Variants in TMC1 observed in about 807,000 individuals in gnomAD.
TMC1 encodes transmembrane channel like 1, also known as transmembrane channel-like protein 1.
Under a neutral mutation model 105.8 loss-of-function variants are expected in TMC1, and 84 were observed. The observed-to-expected ratio is 0.79, with a 90% confidence interval of 0.67 to 0.95. TMC1 has a LOEUF of 0.95. TMC1 is among the 40% of genes least tolerant of loss of function. TMC1 has a pLI of 0.00. For missense variants in TMC1, 817 were observed against 914.1 expected (o/e 0.89, Z 1.37); for synonymous variants, 315 against 311.5 (o/e 1.01, Z -0.12).
At chr9:72,567,361 A>G (rs563187158) in intron 1 of TMC1, among the ~76,000 whole-genome samples, 4 of 152,294 alleles carry the variant, frequency 2.6e-5, no homozygotes, top group South Asian at 4.1e-4. Context: ...ATTTACACCC[A>G]TCTTCCCCCT....
intron 8 of TMC1, among the ~76,000 whole-genome samples, chr9:72,739,342 T>G (rs530471229): frequency 6.6e-6 from 1 of 152,324 alleles, no homozygotes; most frequent in South Asian, 2.1e-4. Context: ...GAGATTAGAT[T>G]TCAACATACA....
intron 1 of TMC1, among the ~76,000 whole-genome samples, chr9:72,538,712 T>C (rs1332170581): frequency 2.6e-5 from 4 of 152,176 alleles, no homozygotes; most frequent in Admixed American, 6.5e-5. Context: ...GTGCTGGGAT[T>C]ACTGGGATTA....
intron 3 of TMC1, among the ~76,000 whole-genome samples, chr9:72,625,840 T>C (rs1264562446): frequency 1.3e-5 from 2 of 152,194 alleles, no homozygotes; most frequent in Non-Finnish European, 2.9e-5. Context: ...AGTAGGCTGA[T>C]TTTGTTTCAT....
intron 8 of TMC1, among the ~76,000 whole-genome samples, chr9:72,728,378 A>G: frequency 6.6e-6 from 1 of 152,206 alleles, no homozygotes; most frequent in East Asian, 1.9e-4. Flanking sequence ...AATAGTCTTC[A>G]GTGATTAACT....
chr9:72,749,917 G>A (rs376429623), intron 10 of TMC1, among the ~76,000 whole-genome samples: 1 of 152,010 alleles, frequency 6.6e-6, no homozygotes, highest in Non-Finnish European at 1.5e-5. Context: ...GACTAGCCTG[G>A]CCAACATGGT....
intron 1 of TMC1, among the ~76,000 whole-genome samples, chr9:72,566,602 A>G (rs1170240599): frequency 3.3e-5 from 5 of 152,200 alleles, no homozygotes; most frequent in African/African-American, 1.2e-4. Flanking sequence ...GCGTTGTGAA[A>G]GGTGAAACAG....
chr9:72,717,690 A>T (rs1826943883), intron 8 of TMC1, among the ~76,000 whole-genome samples: 1 of 152,166 alleles, frequency 6.6e-6, no homozygotes, highest in Non-Finnish European at 1.5e-5. Context: ...TTTCCTTTAT[A>T]GGCTACCTGG....
chr9:72,728,826 C>T (rs895675855), intron 8 of TMC1, among the ~76,000 whole-genome samples: 7 of 151,796 alleles, frequency 4.6e-5, no homozygotes, highest in Non-Finnish European at 1.0e-4. Flanking sequence ...AAGTACAAAT[C>T]AGAGTTAGGA....
chr9:72,822,117 G>A (rs181487762), intron 20 of TMC1, among the ~76,000 whole-genome samples: 206 of 152,260 alleles, frequency 1.4e-3, no homozygotes, highest in African/African-American at 4.7e-3. Context: ...GGGATCTGGA[G>A]GATGAAGTTT....
chr9:72,524,641 G>T (rs751017238), intron 1 of TMC1, among the ~76,000 whole-genome samples: 52 of 152,088 alleles, frequency 3.4e-4, no homozygotes, highest in Non-Finnish European at 4.6e-4. Context: ...TGCAATGAAA[G>T]AAAACCGATA....
intron 17 of TMC1, among the ~76,000 whole-genome samples, chr9:72,800,806 G>A (rs1215768277): frequency 6.6e-6 from 1 of 152,086 alleles, no homozygotes; most frequent in East Asian, 1.9e-4. Context: ...GGGAAAAGGG[G>A]TTGTGGTTCT....
chr9:72,612,121 C>G (rs962801312), intron 2 of TMC1, among the ~76,000 whole-genome samples: 1 of 152,108 alleles, frequency 6.6e-6, no homozygotes, highest in African/African-American at 2.4e-5. Flanking sequence ...TCATCAGGAT[C>G]CTTTCCCCTT....
At chr9:72,640,743 C>T (rs1825614006) in intron 4 of TMC1, among the ~76,000 whole-genome samples, 1 of 151,996 alleles carries the variant, frequency 6.6e-6, no homozygotes, top group Non-Finnish European at 1.5e-5. Context: ...CACCATTCTC[C>T]TGCCTCACCT....
intron 8 of TMC1, among the ~76,000 whole-genome samples, chr9:72,709,506 A>G (rs944796376): frequency 1.4e-4 from 21 of 152,080 alleles, no homozygotes; most frequent in Non-Finnish European, 2.8e-4. Context: ...TTTTTAAATT[A>G]CTATTTCAAT....
At position 72,789,283 on chromosome 9, in the gene TMC1, A is replaced by G. The variant is rs1828223380; in HGVS notation, c.1190A>G (p.Asp397Gly). 1 of 1,614,052 alleles carries G rather than the reference A, an allele frequency of 6.2e-7. No homozygotes were observed. The highest frequency in any genetic ancestry group is 2.2e-5 in the East Asian group (1 of 44,876). The part of the protein sequence containing the change: ...VKRSQEFAQQ[D>G]PDTLGWWEKN... ...CGATCCCAGGAATTTGCACAGCAAG[A>G]TCCTGACACCCTTGGGTGGTGGGAA... Residue 397 changes from aspartate (D) to glycine (G), a missense_variant, in exon 15 of 24, where the codon GAT becomes GGT. By Grantham distance (94) the Asp-to-Gly change is moderately conservative (BLOSUM62 -1). Transcript: ENST00000297784.
At chr9:72,725,325 G>GTGTATATATATA (rs1346287163) in intron 8 of TMC1, among the ~76,000 whole-genome samples, 14 of 77,668 alleles carry the variant, frequency 1.8e-4, no homozygotes, top group Non-Finnish European at 2.8e-4. Flanking sequence ...ATGTGTGTAT[G>GTGTATATATATA]TATATATATA....
At chr9:72,814,326 C>G (rs150088902) in intron 18 of TMC1, among the ~76,000 whole-genome samples, 111 of 152,186 alleles carry the variant, frequency 7.3e-4, no homozygotes, top group African/African-American at 2.5e-3. Context: ...GGGCACTCCC[C>G]CAGAAGGAAA....
intron 8 of TMC1, among the ~76,000 whole-genome samples, chr9:72,733,262 G>A: frequency 6.6e-6 from 1 of 151,972 alleles, no homozygotes; most frequent in South Asian, 2.1e-4. Flanking sequence ...CAGCAGCACA[G>A]CATGGCTGGG....
chr9:72,725,326 T>TATATAC, intron 8 of TMC1, among the ~76,000 whole-genome samples: 1 of 11,848 alleles, frequency 8.4e-5, no homozygotes, highest in South Asian at 3.5e-3. Flanking sequence ...TGTGTGTATG[T>TATATAC]ATATATATAT....
Sources: gnomAD v4.1 joint callset for allele counts (sites outside exome capture counted in the v4.1 genomes callset) on GRCh38, gnomAD v4.1.1 for gene constraint, MANE v1.5 for transcripts, NCBI Gene and HGNC (gene_info 2026-07-23, HGNC 2026-07-21) for gene names.